TEX14: variants seen among roughly 807,000 people sequenced by gnomAD.
The protein encoded by TEX14 is inactive serine/threonine-protein kinase TEX14.
In TEX14, 168 loss-of-function variants were observed where a neutral mutation model predicts 178.6. The ratio of observed to expected loss-of-function variants is 0.94; its 90% CI spans 0.83 to 1.07. The LOEUF (loss-of-function observed/expected upper bound fraction) is 1.07. Among genes scored for constraint, TEX14 ranks in the 50% least tolerant of loss-of-function variants. The pLI is 0.00. For missense variants in TEX14, 1,730 were observed against 1,753.6 expected, an observed-to-expected ratio of 0.99 and a Z score of 0.24; for synonymous variants, 626 against 634.1, an observed-to-expected ratio of 0.99 and a Z score of 0.19.
chr17:58,658,697 A>T (rs2047020325), intron 1 of TEX14, among the ~76,000 whole-genome samples: 1 of 151,948 alleles, frequency 6.6e-6, no homozygotes, highest in East Asian at 1.9e-4. Flanking sequence ...AATTCATCCC[A>T]CCAGAACAAA....
intron 1 of TEX14, chr17:58,677,578 G>A (rs1598435812): frequency 6.6e-6 from 1 of 152,284 alleles, no homozygotes; most frequent in Non-Finnish European, 1.5e-5. Flanking sequence ...ATAACACAGG[G>A]GAAAGTGTGA....
At chr17:58,648,280 G>C (rs1282363848) in intron 2 of TEX14, among the ~76,000 whole-genome samples, 1 of 152,176 alleles carries the variant, frequency 6.6e-6, no homozygotes, top group Non-Finnish European at 1.5e-5. Flanking sequence ...ACACAGGCCA[G>C]TGCTCTCTTC....
Position 58,621,755 on chromosome 17 carries a change from T to G in TEX14, c.449A>C (p.His150Pro). The stretch of plus-strand genomic sequence containing the variant: ...GAAGCCCTGGATGATGGCCTGCATG[T>G]GTGAGGCACAGCGCTGCATGAACTC... ...IVEFMQRCAS[H>P]MQAIIQGFSY... Residue 150 changes from histidine to proline, a missense_variant, in exon 5 of 32, where the codon CAC (histidine) becomes CCC (proline). Physicochemically the swap from His to Pro is moderately conservative, Grantham distance 77. This residue lies in a region of TEX14 where 789 missense variants were observed against 681.2 expected (regional missense o/e 1.16). Coordinates refer to ENST00000349033, the MANE Select transcript of TEX14 (RefSeq NM_031272.5). 6.2e-7 allele frequency: 1 copy of G among 1,614,154 alleles called. No individual in the cohort carries two copies.
chr17:58,632,295 A>G (rs2046340174), intron 2 of TEX14, among the ~76,000 whole-genome samples: 1 of 152,216 alleles, frequency 6.6e-6, no homozygotes, highest in Non-Finnish European at 1.5e-5. Flanking sequence ...TGTGATCAAA[A>G]TTCCACACAC....
intron 7 of TEX14, among the ~76,000 whole-genome samples, chr17:58,615,867 C>G (rs1468100526): frequency 6.6e-6 from 1 of 152,170 alleles, no homozygotes; most frequent in African/African-American, 2.4e-5. Context: ...CCCCAGAAAC[C>G]TATGGCAATG....
intron 8 of TEX14, 26 bp from the exon 9 acceptor site, chr17:58,613,570 A>C: frequency 6.2e-7 from 1 of 1,612,606 alleles, no homozygotes. Context: ...AGCTTCAGAT[A>C]AGGCAGGTGA....
intron 22 of TEX14, 136 bp downstream of exon 22, chr17:58,574,051 T>C: frequency 1.4e-6 from 1 of 693,828 alleles, no homozygotes. Flanking sequence ...ATAACAACTT[T>C]TTGGTGAAAG....
chr17:58,604,578 T>G (rs548116057), intron 11 of TEX14, among the ~76,000 whole-genome samples: 2 of 151,596 alleles, frequency 1.3e-5, no homozygotes, highest in Non-Finnish European at 2.9e-5. Context: ...TTTTTTCTTT[T>G]GAGACAGAGT....
At chr17:58,594,135 T>C (rs2045223354) in intron 14 of TEX14, among the ~76,000 whole-genome samples, 1 of 151,928 alleles carries the variant, frequency 6.6e-6, no homozygotes, top group Non-Finnish European at 1.5e-5. Context: ...GCCCAGCTTA[T>C]CTGGAGGTCT....
chr17:58,609,939 G>A (rs893675808), intron 10 of TEX14, among the ~76,000 whole-genome samples: 1 of 152,222 alleles, frequency 6.6e-6, no homozygotes, highest in African/African-American at 2.4e-5. Context: ...TGATGGGTAG[G>A]TGGCAGACAA....
intron 2 of TEX14, among the ~76,000 whole-genome samples, chr17:58,631,995 A>C (rs1205147082): frequency 6.6e-6 from 1 of 152,242 alleles, no homozygotes; most frequent in African/African-American, 2.4e-5. Context: ...ATTTAAAATA[A>C]GCTCAAAATT....
intron 1 of TEX14, among the ~76,000 whole-genome samples, chr17:58,664,997 G>A (rs891234244): frequency 6.6e-6 from 1 of 152,068 alleles, no homozygotes; most frequent in African/African-American, 2.4e-5. Context: ...ATTCCAGGAA[G>A]AGCAGGCATG....
intron 1 of TEX14, among the ~76,000 whole-genome samples, chr17:58,669,584 A>T (rs1291906583): frequency 1.3e-5 from 2 of 151,276 alleles, no homozygotes; most frequent in African/African-American, 4.9e-5. Flanking sequence ...AAATACAAAA[A>T]TTAGCCAGGT....
chr17:58,599,727 C>A (rs2045382317), intron 13 of TEX14, 61 bp from the exon 14 acceptor site: 5 of 1,397,622 alleles, frequency 3.6e-6, no homozygotes, highest in Non-Finnish European at 4.9e-6. Context: ...AGCTAAGCAG[C>A]CTTGGCTTGT....
Position 58,556,853 on chromosome 17 carries a change from G to T in TEX14, c.*158C>A. The T allele has an allele frequency of 1.6e-6, 1 of 624,134 alleles. No homozygotes were observed. Among genetic ancestry groups the T allele is most frequent in the South Asian group, 2.1e-5 (1 of 46,804 alleles). 38.7% of individuals were successfully genotyped at this position (624,134 alleles called of 1,614,324 possible). ...TGGTTGAATGTGCTGCTAACAGAGA[G>T]GGCCAAACGATGATGTCTATTGTGG... is the stretch of plus-strand genomic sequence containing the variant. On this transcript the variant is annotated 3_prime_UTR_variant, in exon 32 of 32. Coordinates refer to ENST00000349033, the MANE Select transcript of TEX14 (RefSeq NM_031272.5).
At chr17:58,660,636 A>C in intron 1 of TEX14, 1 of 788,930 alleles carries the variant, frequency 1.3e-6, no homozygotes, top group Non-Finnish European at 2.3e-6. Context: ...CAGTCATCCC[A>C]CTCTCGAGCT....
rs1343569331 is a variant in TEX14, at chr17:58,569,191, C to T, written c.3886+1G>A. On this transcript the variant is annotated splice_donor_variant, in intron 26 of 31. Transcript: ENST00000349033. LOFTEE classifies it high-confidence loss of function. This position sits in a 1 kb window ranked among gnomAD's most constrained non-coding sequence, Gnocchi z 4.1. The stretch of plus-strand genomic sequence containing the variant: ...TATATTCTGTATTGAACATCTCTTA[C>T]CAATGTCATCAAGTAGCTCCTGAGA... 6.2e-7 allele frequency: 1 copy of T among 1,612,968 alleles called. No individual in the cohort carries two copies. The highest frequency in any genetic ancestry group is 1.3e-5 in the African/African-American group (1 of 75,016).
At position 58,622,998 on chromosome 17, in the gene TEX14, C is replaced by G; in HGVS notation, c.266G>C (p.Gly89Ala). The stretch of plus-strand genomic sequence containing the variant: ...TGCTGCTGCATGGACAGGGGTGCTC[C>G]CATCAAAGCAGCGGCTGGGGAGGGA... ...GSDPNHRCFDGSTPVHAAAFS... is the reference protein window; with the variant it reads ...GSDPNHRCFDASTPVHAAAFS... Residue 89 changes from glycine to alanine, a missense_variant, in exon 4 of 32, where the codon GGG (glycine) becomes GCG (alanine). By Grantham distance (60) the Gly-to-Ala change is moderately conservative (BLOSUM62 0). Coordinates refer to ENST00000349033, the MANE Select transcript of TEX14 (RefSeq NM_031272.5). 4 of 1,592,856 alleles carry G rather than the reference C, an allele frequency of 2.5e-6. No homozygotes were observed. The highest frequency in any genetic ancestry group is 3.4e-6 in the Non-Finnish European group (4 of 1,162,260).
At chr17:58,577,802 C>T (rs9907509) in intron 20 of TEX14, among the ~76,000 whole-genome samples, 2,971 of 152,290 alleles carry the variant, frequency 0.02, 97 homozygotes, top group African/African-American at 0.068. Context: ...TGTCAACAGA[C>T]GCCAGGGGGC....
Sources: gnomAD v4.1 joint callset for allele counts (sites outside exome capture counted in the v4.1 genomes callset) on GRCh38, gnomAD v4.1.1 for gene constraint, gnomAD v4.1.1 regional missense constraint, Gnocchi (gnomAD v3.1) non-coding constraint, MANE v1.5 for transcripts, NCBI Gene and HGNC (gene_info 2026-07-23, HGNC 2026-07-21) for gene names.